GPRIN3: variants seen among roughly 807,000 people sequenced by gnomAD.
The protein encoded by GPRIN3 is GPRIN family member 3.
In GPRIN3, 12 loss-of-function variants were observed where a neutral mutation model predicts 13.7. The ratio of observed to expected loss-of-function variants is 0.87; its 90% CI spans 0.56 to 1.42. The LOEUF (loss-of-function observed/expected upper bound fraction) is 1.42, where lower values mean the gene tolerates loss of function less well. Ranked by LOEUF, GPRIN3 falls within the 40% of genes most tolerant of loss-of-function variation. The pLI, the probability that GPRIN3 is intolerant of heterozygous loss-of-function variation, is 0.00. For missense variants in GPRIN3, 1,009 were observed against 958.7 expected, an observed-to-expected ratio of 1.05 and a Z score of -0.69; for synonymous variants, 377 against 372.7, an observed-to-expected ratio of 1.01 and a Z score of -0.13.
intron 1 of GPRIN3, among the ~76,000 whole-genome samples, chr4:89,253,015 A>C (rs1448986530): frequency 1.6e-5 from 2 of 121,744 alleles, no homozygotes; most frequent in Non-Finnish European, 3.6e-5. Flanking sequence ...TTCTCAAAAA[A>C]GAAAAAAAAA....
intron 1 of GPRIN3, among the ~76,000 whole-genome samples, chr4:89,285,829 T>C (rs1724391050): frequency 6.6e-6 from 1 of 152,202 alleles, no homozygotes; most frequent in Non-Finnish European, 1.5e-5. Flanking sequence ...TTACTATGGA[T>C]AAGTAGCTTG....
Position 89,249,610 on chromosome 4 carries a change from A to G in GPRIN3, c.501T>C (p.Pro167=), listed in dbSNP as rs7660057. 4,687 of 1,613,834 alleles carry G rather than the reference A, an allele frequency of 2.9e-3. 113 individuals carry two copies. The African/African-American group carries it at 0.052, about 18-fold the overall frequency. The change falls in exon 2 of 2, where the codon CCT becomes CCC. Residue 167 remains proline, a synonymous_variant. Coordinates refer to ENST00000609438, the MANE Select transcript of GPRIN3 (RefSeq NM_198281.3). ...RSQRTSNREQ[P]EKPSCPVGGV... Reference sequence around the variant, plus strand: ...CTCCCACAGGACAACTTGGTTTCTCAGGTTGCTCTCTATTTGAGGTTCTCT... The same window carrying G: ...CTCCCACAGGACAACTTGGTTTCTCGGGTTGCTCTCTATTTGAGGTTCTCT...
In GPRIN3 at chr4:89,248,857, A is replaced by G. The variant is rs1369091115; in HGVS notation, c.1254T>C (p.Leu418=). 1.2e-6 allele frequency: 2 copies of G among 1,614,190 alleles called. No homozygotes were observed. The highest frequency in any genetic ancestry group is 1.7e-6 in the Non-Finnish European group (2 of 1,180,028). The change falls in exon 2 of 2, where the codon CTT becomes CTC. Residue 418 remains leucine (L), a synonymous_variant. Transcript: ENST00000609438. ...AGACCAAATTGATTGATGAGGTTTT[A>G]AGGACCCCACCTGGTAGGCTCGCAA... The part of the protein sequence containing the change: ...NKLASLPGGV[L]KTSSINLVSS...
At chr4:89,261,697 A>G (rs1723631075) in intron 1 of GPRIN3, among the ~76,000 whole-genome samples, 1 of 152,224 alleles carries the variant, frequency 6.6e-6, no homozygotes, top group Non-Finnish European at 1.5e-5. Context: ...TCACTACATG[A>G]AATAACAACA....
chr4:89,242,495 C>T lies in GPRIN3; in HGVS notation c.*5285G>A, dbSNP rs1324551062. 3 of 152,190 alleles carry T rather than the reference C, an allele frequency of 2.0e-5. No individual in the cohort carries two copies. The highest frequency in any genetic ancestry group is 7.2e-5 in the African/African-American group (3 of 41,454). The allele number at this position is 152,190 out of a possible 1,614,324, so 9.4% of individuals were successfully genotyped here. A position where few individuals can be genotyped will look rare whatever the true frequency, so the allele number is the denominator to read the frequency against. On this transcript the variant is annotated 3_prime_UTR_variant, in exon 2 of 2. Transcript: ENST00000609438. ...GCAAGACTTTGAGTGGCTCCTCTTCCCTCTGGGCTCACATAAAAACATAGA... is the reference window on the plus strand; with the variant it reads ...GCAAGACTTTGAGTGGCTCCTCTTCTCTCTGGGCTCACATAAAAACATAGA...
chr4:89,257,555 C>G (rs1363804921), intron 1 of GPRIN3, among the ~76,000 whole-genome samples: 2 of 152,336 alleles, frequency 1.3e-5, no homozygotes, highest in South Asian at 4.1e-4. Context: ...GATGGTCTTA[C>G]TATGTGCCCT....
rs1435018085 is a variant in GPRIN3 at position 89,242,375 on chromosome 4, T to C, written c.*5405A>G. 6.6e-6 allele frequency: 1 copy of C among 152,214 alleles called. No homozygotes were observed. Among genetic ancestry groups the C allele is most frequent in the Non-Finnish European group, 1.5e-5 (1 of 68,024 alleles). 9.4% of individuals were successfully genotyped at this position (152,214 alleles called of 1,614,324 possible). A position where few individuals can be genotyped will look rare whatever the true frequency, so the allele number is the denominator to read the frequency against. ...CTGGGCAGAGTTAACTGAATTGCTT[T>C]CTACATGCTAGTGTCCAGAAAGAGT... On this transcript the variant is annotated 3_prime_UTR_variant, in exon 2 of 2. Coordinates refer to ENST00000609438, the MANE Select transcript of GPRIN3 (RefSeq NM_198281.3).
chr4:89,252,536 C>T (rs962783850), intron 1 of GPRIN3, among the ~76,000 whole-genome samples: 5 of 152,164 alleles, frequency 3.3e-5, no homozygotes, highest in Non-Finnish European at 7.4e-5. Context: ...ATGATCTTCA[C>T]TCAGGCTACA....
intron 1 of GPRIN3, among the ~76,000 whole-genome samples, chr4:89,262,016 G>A (rs1723643768): frequency 6.6e-6 from 1 of 151,442 alleles, no homozygotes; most frequent in East Asian, 2.0e-4. Flanking sequence ...CAGCTACTTG[G>A]TTAGGAGGCT....
chr4:89,259,148 C>G (rs56844399), intron 1 of GPRIN3, among the ~76,000 whole-genome samples: 3,844 of 152,268 alleles, frequency 0.025, 142 homozygotes, highest in African/African-American at 0.081. Flanking sequence ...TAACATTTAG[C>G]TAACTTGAAA....
At chr4:89,256,111 C>T (rs1444828376) in intron 1 of GPRIN3, among the ~76,000 whole-genome samples, 2 of 152,144 alleles carry the variant, frequency 1.3e-5, no homozygotes, top group African/African-American at 2.4e-5. Flanking sequence ...TCCTGTTGAA[C>T]TGAATTCTAA....
rs376729142 is a variant in GPRIN3, at chr4:89,270,279, C to T, written c.-123-20046G>A. 2.0e-3 allele frequency among the ~76,000 whole-genome samples: 303 copies of T among 151,674 alleles called. 12 individuals carry two copies. The South Asian group carries it at 0.056, about 28-fold the overall frequency. ...TGACTTGTAAGGTTGATATAAAAAA[C>T]CTGGCGACTAAGTAAGTCTCTCTGC... On this transcript the variant is annotated intron_variant, in intron 1 of 1. Transcript: ENST00000609438.
chr4:89,249,498 C>G lies in GPRIN3; in HGVS notation c.613G>C (p.Ala205Pro). 1 of 1,614,152 alleles carries G rather than the reference C, an allele frequency of 6.2e-7. No individual in the cohort carries two copies. The highest frequency in any genetic ancestry group is 8.5e-7 in the Non-Finnish European group (1 of 1,180,028). The change falls in exon 2 of 2, where the codon GCA becomes CCA. Residue 205 changes from alanine (A) to proline (P), a missense_variant. By Grantham distance (27) the Ala-to-Pro change is conservative. Coordinates refer to ENST00000609438, the MANE Select transcript of GPRIN3 (RefSeq NM_198281.3). ...GATGAGTGACTGACCACCCTGGCTG[C>G]TGTCACTGGAGTCTGCACTGTTCCC... ...IQGTVQTPVTAARVVSHSSSP... is the reference protein window; with the variant it reads ...IQGTVQTPVTPARVVSHSSSP...
intron 1 of GPRIN3, among the ~76,000 whole-genome samples, chr4:89,265,117 A>G (rs1723747802): frequency 6.6e-6 from 1 of 152,182 alleles, no homozygotes; most frequent in African/African-American, 2.4e-5. Flanking sequence ...CTCTAAGGAC[A>G]TATATAGGTG....
Position 89,247,821 on chromosome 4 carries a change from T to C in GPRIN3, c.2290A>G (p.Asn764Asp). The C allele has an allele frequency of 6.2e-7, 1 of 1,613,846 alleles. No homozygotes were observed. The highest frequency in any genetic ancestry group is 8.5e-7 in the Non-Finnish European group (1 of 1,179,754). Reference protein sequence around the residue: ...QSMLQNFRRPNCCVRPAPSSV... With the variant: ...QSMLQNFRRPDCCVRPAPSSV... ...GACGGGGCAGGACGGACGCAGCAGT[T>C]GGGGCGTCGGAAGTTCTGCAGCATG... is the stretch of plus-strand genomic sequence containing the variant. The change falls in exon 2 of 2, where the codon AAC becomes GAC. Residue 764 changes from asparagine to aspartate, a missense_variant. By Grantham distance (23) the Asn-to-Asp change is conservative. Transcript: ENST00000609438.
rs761706948 is a variant in GPRIN3, at chr4:89,249,750, G to A, written c.361C>T (p.Leu121Phe). 5 of 1,614,064 alleles carry A rather than the reference G, an allele frequency of 3.1e-6. No homozygotes were observed. Among genetic ancestry groups the A allele is most frequent in the Non-Finnish European group, 4.2e-6 (5 of 1,180,022 alleles). ...GGCATTGTCAATGGTGTGTGTATAA[G>A]ATCCCTTCCTGCTGCAGAACTCGGG... is the stretch of plus-strand genomic sequence containing the variant. ...SAPSSAAGRD[L>F]IHTPLTMPAN... The change falls in exon 2 of 2, where the codon CTT (leucine) becomes TTT (phenylalanine). Residue 121 changes from leucine to phenylalanine, a missense_variant. Physicochemically the swap from Leu to Phe is conservative, Grantham distance 22. Coordinates refer to ENST00000609438, the MANE Select transcript of GPRIN3 (RefSeq NM_198281.3).
In GPRIN3 at chr4:89,247,952, T is replaced by C. The variant is rs757772217; in HGVS notation, c.2159A>G (p.His720Arg). ...ATTTTGAGTTTTGATTAATTTCTCATGTTCCCTGATTTGTCTTTGCAAATG... is the reference window on the plus strand; with the variant it reads ...ATTTTGAGTTTTGATTAATTTCTCACGTTCCCTGATTTGTCTTTGCAAATG... ...QNHLQRQIRE[H>R]EKLIKTQNSQ... Residue 720 changes from histidine to arginine, a missense_variant, in exon 2 of 2, where the codon CAT (histidine) becomes CGT (arginine). Coordinates refer to ENST00000609438, the MANE Select transcript of GPRIN3 (RefSeq NM_198281.3). The C allele has an allele frequency of 6.2e-7, 1 of 1,614,060 alleles. No individual in the cohort carries two copies. The highest frequency in any genetic ancestry group is 8.5e-7 in the Non-Finnish European group (1 of 1,180,030).
chr4:89,278,136 C>T (rs572215655), intron 1 of GPRIN3, among the ~76,000 whole-genome samples: 22 of 152,188 alleles, frequency 1.4e-4, no homozygotes, highest in Admixed American at 2.6e-4. Context: ...ATGAACCTCT[C>T]GGGGACATGA....
intron 1 of GPRIN3, among the ~76,000 whole-genome samples, chr4:89,270,575 A>ATATATATATATAT (rs1553951337): frequency 1.0e-4 from 10 of 97,374 alleles, no homozygotes; most frequent in African/African-American, 5.6e-4. Flanking sequence ...TTATATATAT[A>ATATATATATATAT]TATATATATA....
Sources: gnomAD v4.1 joint callset for allele counts (sites outside exome capture counted in the v4.1 genomes callset) on GRCh38, gnomAD v4.1.1 for gene constraint, MANE v1.5 for transcripts, NCBI Gene and HGNC (gene_info 2026-07-23, HGNC 2026-07-21) for gene names.